The following USP53 variants were observed in gnomAD, a reference collection of about 807,000 sequenced individuals.
USP53 encodes ubiquitin specific peptidase 53.
Under a neutral mutation model 94.9 loss-of-function variants are expected in USP53, and 71 were observed. The observed-to-expected ratio is 0.75, with a 90% CI of 0.62 to 0.91. The LOEUF is 0.91. Among genes scored for constraint, USP53 ranks in the 40% least tolerant of loss-of-function variants. The pLI is 0.00. For missense variants in USP53, 1,173 were observed against 1,281.0 expected (o/e 0.92, Z 1.29); for synonymous variants, 375 against 422.7 (o/e 0.89, Z 1.39).
chr4:119,292,725 G>A lies in USP53; in HGVS notation c.2736G>A (p.Met912Ile). The A allele has an allele frequency of 1.9e-6, 3 of 1,614,000 alleles. No individual in the cohort carries two copies. The highest frequency in any genetic ancestry group is 2.7e-5 in the African/African-American group (2 of 75,012). Reference protein sequence around the residue: ...RSASRSDGCQMPKLFCQNLPP... With the variant: ...RSASRSDGCQIPKLFCQNLPP... ...CCAGCAGATCTGATGGGTGTCAGAT[G>A]CCAAAACTTTTTTGCCAGAATCTAC... is the stretch of plus-strand genomic sequence containing the variant. Residue 912 changes from methionine to isoleucine, a missense_variant, in exon 19 of 19, where the codon ATG becomes ATA. Coordinates refer to ENST00000692078, the MANE Select transcript of USP53 (RefSeq NM_001371395.1).
intron 4 of USP53, among the ~76,000 whole-genome samples, chr4:119,236,183 A>G (rs764427579): frequency 3.3e-5 from 5 of 152,242 alleles, no homozygotes; most frequent in Non-Finnish European, 7.3e-5. Context: ...CCCAGTGCAT[A>G]TAAAAGTTAT....
intron 7 of USP53, among the ~76,000 whole-genome samples, chr4:119,249,789 T>G (rs191379088): frequency 1.3e-5 from 2 of 151,408 alleles, no homozygotes; most frequent in Middle Eastern, 3.4e-3. Context: ...CTTAGCCTCC[T>G]GAGTAGCTGG....
intron 6 of USP53, among the ~76,000 whole-genome samples, chr4:119,246,536 C>T (rs1171587785): frequency 2.6e-5 from 4 of 152,330 alleles, no homozygotes; most frequent in South Asian, 4.1e-4. Context: ...GACATGCTGT[C>T]CCCACCCAAA....
chr4:119,228,911 TAGAA>T (rs966794723), intron 3 of USP53, among the ~76,000 whole-genome samples: 2 of 152,096 alleles, frequency 1.3e-5, no homozygotes, highest in Non-Finnish European at 2.9e-5. Flanking sequence ...TAATATAAAA[TAGAA>T]GGAAGAGTAA....
intron 2 of USP53, among the ~76,000 whole-genome samples, chr4:119,214,612 TAAAAAAA>T (rs35029575): frequency 7.1e-6 from 1 of 141,598 alleles, no homozygotes; most frequent in Non-Finnish European, 1.5e-5. Flanking sequence ...TTCTTTTCCT[TAAAAAAA>T]AAAAAAAGAA....
At chr4:119,291,034 A>T (rs1453763354) in intron 17 of USP53, 131 bp from the exon 18 acceptor site, 2 of 510,098 alleles carry the variant, frequency 3.9e-6, no homozygotes, top group Non-Finnish European at 6.8e-6. Context: ...TCATTTTTTT[A>T]AATTGGAAGA....
Position 119,291,928 on chromosome 4 carries a change from C to G in USP53, c.2349-410C>G, listed in dbSNP as rs114403390. On this transcript the variant is annotated intron_variant, in intron 18 of 18. Transcript: ENST00000692078. ...GCTATATATCAAAATTTAAGTACTTCTACCTCTATTGCCTTTAAAGTTTGG... is the reference window on the plus strand; with the variant it reads ...GCTATATATCAAAATTTAAGTACTTGTACCTCTATTGCCTTTAAAGTTTGG... 7.3e-3 allele frequency among the ~76,000 whole-genome samples: 1,106 copies of G among 152,210 alleles called. 11 individuals carry two copies. The highest frequency in any genetic ancestry group is 0.025 in the African/African-American group (1,042 of 41,522).
intron 17 of USP53, among the ~76,000 whole-genome samples, chr4:119,289,078 T>G (rs1267964962): frequency 1.3e-5 from 2 of 152,192 alleles, no homozygotes; most frequent in South Asian, 2.1e-4. Context: ...TTATAAGTAT[T>G]GGGAAGTTGC....
At chr4:119,227,402 G>A (rs1241256165) in intron 3 of USP53, among the ~76,000 whole-genome samples, 1 of 152,118 alleles carries the variant, frequency 6.6e-6, no homozygotes, top group Non-Finnish European at 1.5e-5. Flanking sequence ...ACTTTGGGAG[G>A]CCGAAGCGGG....
At chr4:119,260,392 G>A (rs368980194) in intron 10 of USP53, 115 bp from the exon 11 acceptor site, 6 of 773,946 alleles carry the variant, frequency 7.8e-6, no homozygotes, top group Middle Eastern at 3.5e-4. Flanking sequence ...TCAATTTTTA[G>A]TATACTGAAT....
intron 4 of USP53, among the ~76,000 whole-genome samples, chr4:119,237,402 C>T (rs999456689): frequency 4.6e-5 from 7 of 152,138 alleles, no homozygotes; most frequent in African/African-American, 9.7e-5. Context: ...TCGCCCGTCA[C>T]GCAATGCATG....
rs1263067327 is a variant in USP53, at chr4:119,271,546, CA to C, written c.1687del (p.Ser563AlafsTer25). The C allele has an allele frequency of 2.5e-6, 4 of 1,613,570 alleles. No individual in the cohort carries two copies. The highest frequency in any genetic ancestry group is 1.7e-5 in the Admixed American group (1 of 59,980). The stretch of plus-strand genomic sequence containing the variant: ...ATGGCACTGGATATGACACAGACAG[CA>C]GCCAAGATTCTAGGGATAGAGGAAA... ...DNGTGYDTDS[S>X]QDSRDRGNSC... is the part of the protein sequence containing the mutation. On this transcript the variant is annotated frameshift_variant, in exon 16 of 19. Coordinates refer to ENST00000692078, the MANE Select transcript of USP53 (RefSeq NM_001371395.1). LOFTEE classifies it high-confidence loss of function.
chr4:119,271,981 T>C lies in USP53; in HGVS notation c.2121T>C (p.Asp707=). The change falls in exon 16 of 19, where the codon GAT becomes GAC. Residue 707 remains aspartate (D), a synonymous_variant. Transcript: ENST00000692078. ...CTAATTTGGACTCACCTGTTATCGA[T>C]GGAAATGGTACAGTAATGGATATCA... ...GSTNLDSPVI[D]GNGTVMDISG... is the part of the protein sequence containing the mutation. The C allele has an allele frequency of 6.2e-7, 1 of 1,613,220 alleles. No homozygotes were observed. Among genetic ancestry groups the C allele is most frequent in the Non-Finnish European group, 8.5e-7 (1 of 1,179,758 alleles).
rs1359821112 is a variant in USP53, at chr4:119,293,205, A to C, written c.3216A>C (p.Leu1072=). 1.3e-5 allele frequency: 21 copies of C among 1,587,880 alleles called. No individual in the cohort carries two copies. The highest frequency in any genetic ancestry group is 1.8e-5 in the Non-Finnish European group (21 of 1,173,734). The stretch of plus-strand genomic sequence containing the variant: ...GCAGTGGCTTTTGTAATAATTCACT[A>C]TCTTAGAGTGAAAAAGGACTAGACC... ...PESSGFCNNS[L]S is the part of the protein sequence containing the mutation. Residue 1072 remains leucine (L), a synonymous_variant, in exon 19 of 19, where the codon CTA becomes CTC. Coordinates refer to ENST00000692078, the MANE Select transcript of USP53 (RefSeq NM_001371395.1).
chr4:119,235,961 T>C (rs1001187995), intron 4 of USP53, among the ~76,000 whole-genome samples: 1 of 152,244 alleles, frequency 6.6e-6, no homozygotes, highest in African/African-American at 2.4e-5. Flanking sequence ...TACAATTTAT[T>C]ATTCCTTAAG....
At chr4:119,291,656 T>C (rs1754774796) in intron 18 of USP53, among the ~76,000 whole-genome samples, 2 of 152,270 alleles carry the variant, frequency 1.3e-5, no homozygotes, top group East Asian at 1.9e-4. Context: ...ATTTGCAATA[T>C]GGCATCATTT....
chr4:119,275,379 C>G (rs1752479778), intron 17 of USP53, among the ~76,000 whole-genome samples: 1 of 125,190 alleles, frequency 8.0e-6, no homozygotes, highest in Non-Finnish European at 1.8e-5. Flanking sequence ...GCTTGTTTTT[C>G]TCAGGTTTGT....
chr4:119,252,499 A>G (rs1749159603), intron 7 of USP53, among the ~76,000 whole-genome samples: 1 of 152,100 alleles, frequency 6.6e-6, no homozygotes, highest in African/African-American at 2.4e-5. Context: ...CATTTCTTCT[A>G]CGTTTTCTAG....
chr4:119,264,228 C>T (rs1306217274), intron 12 of USP53, among the ~76,000 whole-genome samples: 3 of 152,052 alleles, frequency 2.0e-5, no homozygotes, highest in Admixed American at 6.5e-5. Context: ...TTCAAAGAAC[C>T]TGAAGAAAAA....
Sources: allele counts gnomAD v4.1 joint callset (sites outside exome capture counted in the v4.1 genomes callset), GRCh38; gene constraint gnomAD v4.1.1; transcripts MANE v1.5; gene names NCBI Gene and HGNC (gene_info 2026-07-23, HGNC 2026-07-21).